PIK3AP1: variants seen among roughly 807,000 people sequenced by gnomAD.
The protein encoded by PIK3AP1 is phosphoinositide 3-kinase adapter protein 1.
PIK3AP1 carries 21 observed loss-of-function variants against 88.1 expected under a neutral mutation model. That is an observed-to-expected ratio of 0.24 (90% CI 0.17 to 0.34). The LOEUF (loss-of-function observed/expected upper bound fraction) is 0.34, where lower values mean the gene tolerates loss of function less well. Among genes scored for constraint, PIK3AP1 ranks in the 10% least tolerant of loss-of-function variants. The pLI, the probability that PIK3AP1 is intolerant of heterozygous loss-of-function variation, is 1.00. For synonymous variants in PIK3AP1, 398 were observed against 400.0 expected (o/e 1.00, Z 0.06); for missense variants, 828 against 1,035.7 (o/e 0.80, Z 2.75).
At chr10:96,683,123 C>T (rs1273257163) in intron 2 of PIK3AP1, among the ~76,000 whole-genome samples, 1 of 152,134 alleles carries the variant, frequency 6.6e-6, no homozygotes, top group Non-Finnish European at 1.5e-5. Flanking sequence ...CAAGCCAGGG[C>T]ATACAATTCT....
At chr10:96,697,332 C>T (rs149811521) in intron 2 of PIK3AP1, among the ~76,000 whole-genome samples, 14 of 152,296 alleles carry the variant, frequency 9.2e-5, no homozygotes, top group East Asian at 1.9e-4. Context: ...GGTCTGTACA[C>T]GCGAACTTAA....
chr10:96,639,318 T>C (rs768109366), intron 8 of PIK3AP1, among the ~76,000 whole-genome samples: 1 of 152,190 alleles, frequency 6.6e-6, no homozygotes, highest in African/African-American at 2.4e-5. Context: ...ACCTATTGTG[T>C]ACAGCACTGG....
intron 3 of PIK3AP1, among the ~76,000 whole-genome samples, chr10:96,653,575 CTTCCCAGG>C (rs1487307535): frequency 2.7e-5 from 4 of 146,502 alleles, no homozygotes; most frequent in African/African-American, 1.0e-4. Flanking sequence ...CAACCTCCAC[CTTCCCAGG>C]TTCAAGCGAT....
At chr10:96,606,078 G>A (rs11592156) in intron 14 of PIK3AP1, among the ~76,000 whole-genome samples, 13,374 of 152,142 alleles carry the variant, frequency 0.088, 782 homozygotes, top group Non-Finnish European at 0.13. Flanking sequence ...GTGAGACTCC[G>A]TCTCAAAAAC....
At chr10:96,631,473 G>A (rs1477738784) in intron 8 of PIK3AP1, among the ~76,000 whole-genome samples, 2 of 152,228 alleles carry the variant, frequency 1.3e-5, no homozygotes, top group African/African-American at 2.4e-5. Flanking sequence ...ATAGTAGAAG[G>A]AAGAGCAGTC....
chr10:96,651,110 C>G, intron 6 of PIK3AP1, 138 bp downstream of exon 6: 2 of 1,136,436 alleles, frequency 1.8e-6, no homozygotes, highest in Non-Finnish European at 1.3e-6. Flanking sequence ...AAGAATGAGT[C>G]CTTATCACAG....
rs374819025 is a variant in PIK3AP1, at chr10:96,648,830, G to T, written c.1014C>A (p.Thr338=). 9 of 1,586,354 alleles carry T rather than the reference G, an allele frequency of 5.7e-6. No individual in the cohort carries two copies. The East Asian group carries it at 2.1e-4, about 37-fold the overall frequency. ...MTNQRDEELP[T]LLHFAAKYGL... ...CATACTTCGCAGCAAAATGCAACAGGGTGGGCAGCTCTTCATCCCTCTGAT... is the reference window on the plus strand; with the variant it reads ...CATACTTCGCAGCAAAATGCAACAGTGTGGGCAGCTCTTCATCCCTCTGAT... The change falls in exon 7 of 17, where the codon ACC becomes ACA. Residue 338 remains threonine, a synonymous_variant. Coordinates refer to ENST00000339364, the MANE Select transcript of PIK3AP1 (RefSeq NM_152309.3).
At chr10:96,651,438 A>G in intron 5 of PIK3AP1, 58 bp from the exon 6 acceptor site, 1 of 1,614,130 alleles carries the variant, frequency 6.2e-7, no homozygotes, top group Non-Finnish European at 8.5e-7. Flanking sequence ...CATCCCGCAG[A>G]TTCAAGACTG....
intron 2 of PIK3AP1, among the ~76,000 whole-genome samples, chr10:96,668,764 A>G (rs1293038471): frequency 6.6e-6 from 1 of 152,230 alleles, no homozygotes; most frequent in East Asian, 1.9e-4. Flanking sequence ...GAGCAACCTA[A>G]GTATTGGGGT....
At chr10:96,664,587 T>A (rs893687109) in intron 2 of PIK3AP1, among the ~76,000 whole-genome samples, 2 of 152,092 alleles carry the variant, frequency 1.3e-5, no homozygotes, top group Admixed American at 1.3e-4. Flanking sequence ...ATCTATTAGC[T>A]AATAATTTTG....
chr10:96,700,133 C>T (rs1396261807), intron 2 of PIK3AP1, among the ~76,000 whole-genome samples: 2 of 152,160 alleles, frequency 1.3e-5, no homozygotes, highest in Non-Finnish European at 2.9e-5. Flanking sequence ...CCCTTTTCCC[C>T]GTGGCTCACC....
chr10:96,692,598 A>G (rs1844168511), intron 2 of PIK3AP1, among the ~76,000 whole-genome samples: 1 of 151,782 alleles, frequency 6.6e-6, no homozygotes, highest in Non-Finnish European at 1.5e-5. Flanking sequence ...GAAAGAAAGA[A>G]AAGAAAGAAA....
chr10:96,676,811 T>C (rs560243276), intron 2 of PIK3AP1, among the ~76,000 whole-genome samples: 1 of 152,264 alleles, frequency 6.6e-6, no homozygotes, highest in East Asian at 1.9e-4. Flanking sequence ...CACAGGGACT[T>C]CTTTTCTAGG....
At chr10:96,637,074 A>G (rs1201694529) in intron 8 of PIK3AP1, among the ~76,000 whole-genome samples, 1 of 152,178 alleles carries the variant, frequency 6.6e-6, no homozygotes, top group Admixed American at 6.5e-5. Context: ...TCAAACCCTG[A>G]AAGTAGGCCA....
chr10:96,698,033 TG>T (rs1451174362), intron 2 of PIK3AP1, among the ~76,000 whole-genome samples: 1 of 152,212 alleles, frequency 6.6e-6, no homozygotes, highest in Non-Finnish European at 1.5e-5. Flanking sequence ...GAGGTCTGGA[TG>T]GTATTCCATT....
intron 12 of PIK3AP1, 93 bp from the exon 13 acceptor site, chr10:96,616,804 G>T (rs1236127272): frequency 1.2e-5 from 15 of 1,222,806 alleles, no homozygotes; most frequent in South Asian, 7.3e-5. Flanking sequence ...TGTTTGCAGG[G>T]TATATCACAT....
chr10:96,660,226 C>T (rs979001393), intron 2 of PIK3AP1, among the ~76,000 whole-genome samples: 1 of 152,026 alleles, frequency 6.6e-6, no homozygotes, highest in Non-Finnish European at 1.5e-5. Context: ...TAATAAAATA[C>T]TTGTACCCAA....
In PIK3AP1 at chr10:96,694,101, C is replaced by T. The variant is rs561853239; in HGVS notation, c.430+15466G>A. ...TTTAAAGGATGCTGTAAGGACCTAT[C>T]AAAGAGGCCCCCATGATATCTCAGG... On this transcript the variant is annotated intron_variant, in intron 2 of 16. Transcript: ENST00000339364. Among the ~76,000 whole-genome samples the T allele has an allele frequency of 2.6e-5, 4 of 152,258 alleles. No individual in the cohort carries two copies. In the South Asian group the frequency reaches 8.3e-4, roughly 32 times the overall value.
chr10:96,697,085 T>C (rs1300474238), intron 2 of PIK3AP1, among the ~76,000 whole-genome samples: 3 of 152,208 alleles, frequency 2.0e-5, no homozygotes, highest in South Asian at 2.1e-4. Context: ...AATCTGGAAA[T>C]ACACACCCTT....
Sources: gnomAD v4.1 joint callset for allele counts (sites outside exome capture counted in the v4.1 genomes callset) on GRCh38, gnomAD v4.1.1 for gene constraint, MANE v1.5 for transcripts, NCBI Gene and HGNC (gene_info 2026-07-23, HGNC 2026-07-21) for gene names.